WWOX: variants seen among roughly 807,000 people sequenced by gnomAD.
WWOX encodes WW domain containing oxidoreductase, also known as WW domain-containing oxidoreductase.
WWOX carries 69 observed loss-of-function variants against 46.2 expected under a neutral mutation model. The ratio of observed to expected loss-of-function variants is 1.49; its 90% confidence interval spans 1.23 to 1.82. The LOEUF (loss-of-function observed/expected upper bound fraction) is 1.82. WWOX is among the 40% of genes most tolerant of loss of function. The pLI is 0.00. For missense variants in WWOX, 919 were observed against 542.6 expected (o/e 1.69, Z -6.89); for synonymous variants, 359 against 202.6 (o/e 1.77, Z -6.56).
intron 8 of WWOX, chr16:78,981,879 G>A (rs1452863408): frequency 6.6e-6 from 1 of 152,124 alleles, no homozygotes; most frequent in African/African-American, 2.4e-5. Context: ...ACTTTGCCAG[G>A]TGCCCCCCGA....
chr16:78,457,909 C>CAAAAAAAAAAAAA lies in WWOX; in HGVS notation c.1056+25164_1056+25176dup, dbSNP rs57956003. 5.9e-4 allele frequency among the ~76,000 whole-genome samples: 51 copies of CAAAAAAAAAAAAA among 86,958 alleles called. No individual in the cohort carries two copies. The East Asian group carries it at 0.011, about 18-fold the overall frequency. 57.0% of individuals were successfully genotyped at this position (86,958 alleles called of 152,430 possible). A position where few individuals can be genotyped will look rare whatever the true frequency, so the allele number is the denominator to read the frequency against. ...CCAGCCTGAGCGTGAGACTCTGACT[C>CAAAAAAAAAAAAA]AAAAAAAAAAAAAAAAAAATTAGCT... On this transcript the variant is annotated intron_variant, in intron 8 of 8. Coordinates refer to ENST00000566780, the MANE Select transcript of WWOX (RefSeq NM_016373.4).
chr16:78,757,990 G>A (rs1010421230), intron 8 of WWOX, among the ~76,000 whole-genome samples: 1 of 151,972 alleles, frequency 6.6e-6, no homozygotes, highest in Non-Finnish European at 1.5e-5. Context: ...CCTTCTATCA[G>A]ATCAGCCAGG....
chr16:78,706,297 C>T (rs1335381915), intron 8 of WWOX, among the ~76,000 whole-genome samples: 3 of 152,072 alleles, frequency 2.0e-5, no homozygotes, highest in Non-Finnish European at 2.9e-5. Context: ...TCACACACAT[C>T]CTTCAACACA....
chr16:78,804,361 G>C (rs76794561), intron 8 of WWOX, among the ~76,000 whole-genome samples: 3 of 151,642 alleles, frequency 2.0e-5, no homozygotes, highest in African/African-American at 7.3e-5. Context: ...ACTTTTGCTC[G>C]GCAGCGAACA....
chr16:79,055,512 C>T (rs1020415880), intron 8 of WWOX, among the ~76,000 whole-genome samples: 2 of 152,140 alleles, frequency 1.3e-5, no homozygotes, highest in Non-Finnish European at 2.9e-5. Context: ...AACCTCCATC[C>T]ATTGGAAGTC....
At chr16:78,405,017 C>T (rs982919592) in intron 6 of WWOX, among the ~76,000 whole-genome samples, 5 of 152,190 alleles carry the variant, frequency 3.3e-5, no homozygotes, top group African/African-American at 1.2e-4. Flanking sequence ...GGATGTACTT[C>T]TATTTTACAT....
chr16:78,795,712 G>T (rs566773620), intron 8 of WWOX, among the ~76,000 whole-genome samples: 9 of 152,180 alleles, frequency 5.9e-5, no homozygotes, highest in Non-Finnish European at 1.0e-4. Context: ...ATTCATTCTA[G>T]TGGGCAAGTC....
At chr16:78,940,315 G>A (rs139368752) in intron 8 of WWOX, among the ~76,000 whole-genome samples, 7 of 152,068 alleles carry the variant, frequency 4.6e-5, no homozygotes, top group African/African-American at 1.7e-4. Context: ...TTTATGAGTC[G>A]TCATTGCTCG....
chr16:78,902,579 A>G (rs1021142981), intron 8 of WWOX, among the ~76,000 whole-genome samples: 4 of 152,218 alleles, frequency 2.6e-5, no homozygotes, highest in Admixed American at 6.5e-5. Flanking sequence ...GCCCGAGTAG[A>G]AAATCTGACA....
chr16:78,613,308 C>T (rs902027568), intron 8 of WWOX, among the ~76,000 whole-genome samples: 9 of 152,094 alleles, frequency 5.9e-5, no homozygotes, highest in East Asian at 1.9e-4. Flanking sequence ...ATGGAAGCCC[C>T]AGTGTGTTCC....
intron 5 of WWOX, among the ~76,000 whole-genome samples, chr16:78,228,522 T>C (rs1250045709): frequency 1.3e-5 from 2 of 151,976 alleles, no homozygotes; most frequent in Non-Finnish European, 2.9e-5. Context: ...TTGTATTTTT[T>C]GTAGAGACAG....
intron 8 of WWOX, among the ~76,000 whole-genome samples, chr16:79,169,210 C>A (rs916417484): frequency 1.3e-5 from 2 of 152,192 alleles, no homozygotes; most frequent in African/African-American, 4.8e-5. Context: ...ATTTCAGAGA[C>A]AGGGGCATTT....
intron 8 of WWOX, among the ~76,000 whole-genome samples, chr16:78,521,559 T>C (rs1452286016): frequency 3.3e-5 from 5 of 152,344 alleles, no homozygotes; most frequent in African/African-American, 9.6e-5. Context: ...GTTCTACTTA[T>C]ATTACAGGGT....
intron 8 of WWOX, among the ~76,000 whole-genome samples, chr16:78,746,225 T>A (rs1481988864): frequency 1.3e-5 from 2 of 152,210 alleles, no homozygotes; most frequent in African/African-American, 4.8e-5. Context: ...GGACTGAGCA[T>A]GGTGGCTCAC....
intron 8 of WWOX, among the ~76,000 whole-genome samples, chr16:78,957,852 A>G (rs1313030795): frequency 6.6e-6 from 1 of 152,182 alleles, no homozygotes; most frequent in Non-Finnish European, 1.5e-5. Flanking sequence ...GCCTTTGTGA[A>G]TTTGCAGAGA....
chr16:78,348,451 A>T (rs1344741271), intron 5 of WWOX, among the ~76,000 whole-genome samples: 1 of 120,796 alleles, frequency 8.3e-6, no homozygotes, highest in East Asian at 1.9e-4. Context: ...ACATATACTG[A>T]TGCGGTGTTT....
At position 78,350,277 on chromosome 16, in the gene WWOX, C is replaced by G. The variant is rs1261034116; in HGVS notation, c.517-36583C>G. Among the ~76,000 whole-genome samples the G allele has an allele frequency of 1.6e-5, 2 of 121,584 alleles. 1 individual carries two copies. Among genetic ancestry groups the G allele is most frequent in the Non-Finnish European group, 3.9e-5 (2 of 50,862 alleles). The allele number at this position is 121,584 out of a possible 152,430, so 79.8% of individuals were successfully genotyped here. A position where few individuals can be genotyped will look rare whatever the true frequency, so the allele number is the denominator to read the frequency against. On this transcript the variant is annotated intron_variant, in intron 5 of 8. Transcript: ENST00000566780. ...GCTGAAGTTTGTAAATTTTCTCAAG[C>G]TACTTTATTGATATATAACACAGAT...
At chr16:78,629,151 G>T (rs780233877) in intron 8 of WWOX, among the ~76,000 whole-genome samples, 2 of 151,984 alleles carry the variant, frequency 1.3e-5, no homozygotes, top group African/African-American at 2.4e-5. Flanking sequence ...ACCACTGCTC[G>T]CATTCCCATG....
chr16:78,932,674 G>A (rs982159260), intron 8 of WWOX, among the ~76,000 whole-genome samples: 1 of 152,208 alleles, frequency 6.6e-6, no homozygotes. Context: ...TCCCCCCATG[G>A]GAGGACCTGG....
Sources: gnomAD v4.1 joint callset for allele counts (sites outside exome capture counted in the v4.1 genomes callset) on GRCh38, gnomAD v4.1.1 for gene constraint, MANE v1.5 for transcripts, NCBI Gene and HGNC (gene_info 2026-07-23, HGNC 2026-07-21) for gene names.